The following PAPLN variants were observed in gnomAD, a reference collection of about 807,000 sequenced individuals.
PAPLN encodes papilin.
A neutral mutation model predicts 159.0 loss-of-function variants in PAPLN; 146 were observed. That is an observed-to-expected ratio of 0.92 (90% CI 0.80 to 1.05). PAPLN has a LOEUF of 1.05. Among genes scored for constraint, PAPLN ranks in the 50% least tolerant of loss-of-function variants. PAPLN has a pLI of 0.00. For missense variants in PAPLN, 1,720 were observed against 1,743.9 expected (o/e 0.99, Z 0.24); for synonymous variants, 734 against 702.9 (o/e 1.04, Z -0.70).
intron 14 of PAPLN, among the ~76,000 whole-genome samples, chr14:73,255,933 G>A (rs1256971559): frequency 1.3e-5 from 2 of 152,222 alleles, no homozygotes; most frequent in East Asian, 1.9e-4. Flanking sequence ...GCACAGTGGG[G>A]TTAAAAAGAG....
Position 73,268,492 on chromosome 14 carries a change from C to G in PAPLN, c.3501-65C>G. ...GCTCTGGAATGGCCTTTGATTACCT[C>G]TTCCCTCTGTCTCCCAGACCTCCAG... On this transcript the variant is annotated intron_variant, in intron 25 of 26. Transcript: ENST00000644200. 3 of 1,521,820 alleles carry G rather than the reference C, an allele frequency of 2.0e-6. No homozygotes were observed. The South Asian group carries it at 3.8e-5, about 19-fold the overall frequency. The allele number at this position is 1,521,820 out of a possible 1,614,324, so 94.3% of individuals were successfully genotyped here.
chr14:73,247,401 CT>C (rs1165677128), intron 5 of PAPLN, among the ~76,000 whole-genome samples: 2 of 152,214 alleles, frequency 1.3e-5, no homozygotes, highest in African/African-American at 4.8e-5. Flanking sequence ...GGCAAATGAC[CT>C]CTGGAGACCC....
intron 26 of PAPLN, among the ~76,000 whole-genome samples, chr14:73,270,914 G>A (rs987013090): frequency 6.6e-6 from 1 of 152,154 alleles, no homozygotes; most frequent in Non-Finnish European, 1.5e-5. Flanking sequence ...GTGGCACATT[G>A]AATTTCAGTG....
chr14:73,263,872 C>CTGA (rs1886867996), intron 20 of PAPLN, 90 bp downstream of exon 20: 1 of 1,384,060 alleles, frequency 7.2e-7, no homozygotes, highest in Non-Finnish European at 9.8e-7. Context: ...CCCACCTCCT[C>CTGA]TGATAGGTGT....
At chr14:73,270,280 C>T (rs1887599868) in intron 26 of PAPLN, among the ~76,000 whole-genome samples, 1 of 152,226 alleles carries the variant, frequency 6.6e-6, no homozygotes, top group Non-Finnish European at 1.5e-5. Flanking sequence ...AGGCGGCTTC[C>T]GCACTGGGTG....
intron 1 of PAPLN, among the ~76,000 whole-genome samples, chr14:73,239,344 T>C (rs1883289641): frequency 6.6e-6 from 1 of 152,246 alleles, no homozygotes; most frequent in Admixed American, 6.5e-5. Context: ...CAAAGTGTCT[T>C]CAGAGACTTG....
intron 5 of PAPLN, among the ~76,000 whole-genome samples, chr14:73,248,846 C>T (rs1021787798): frequency 6.6e-6 from 1 of 150,670 alleles, no homozygotes; most frequent in African/African-American, 2.4e-5. Context: ...AAAATTAAAA[C>T]CAGGCCAGGT....
At chr14:73,258,882 T>G (rs1886231761) in intron 14 of PAPLN, 97 bp from the exon 15 acceptor site, 1 of 1,150,436 alleles carries the variant, frequency 8.7e-7, no homozygotes, top group East Asian at 3.1e-5. Flanking sequence ...GCCTGGGCAG[T>G]GGGGTAGAAG....
intron 2 of PAPLN, among the ~76,000 whole-genome samples, chr14:73,240,279 C>T (rs1383920114): frequency 6.6e-6 from 1 of 152,076 alleles, no homozygotes; most frequent in Non-Finnish European, 1.5e-5. Flanking sequence ...GGGGTAGCAC[C>T]TAGGGCAGGG....
chr14:73,247,589 C>CGTGT (rs138946508), intron 5 of PAPLN, among the ~76,000 whole-genome samples: 3 of 115,210 alleles, frequency 2.6e-5, no homozygotes, highest in African/African-American at 1.0e-4. Flanking sequence ...GTCCTCTGTG[C>CGTGT]GTGTGTGTGT....
In PAPLN at chr14:73,264,248, C is replaced by A; in HGVS notation, c.2899C>A (p.Pro967Thr). ...GTTCGACGGATCCCTGATCATCCACCCCCTGCAGGCAGAGGACGCGGGCAC... is the reference window on the plus strand; with the variant it reads ...GTTCGACGGATCCCTGATCATCCACACCCTGCAGGCAGAGGACGCGGGCAC... ...LQFDGSLIIH[P>T]LQAEDAGTYS... is the part of the protein sequence containing the mutation. The change falls in exon 21 of 27, where the codon CCC becomes ACC. Residue 967 changes from proline (P) to threonine (T), a missense_variant. By Grantham distance (38) the Pro-to-Thr change is conservative (BLOSUM62 -1). Transcript: ENST00000644200. The A allele has an allele frequency of 6.2e-7, 1 of 1,614,006 alleles. No homozygotes were observed. The highest frequency in any genetic ancestry group is 2.2e-5 in the East Asian group (1 of 44,876).
At chr14:73,254,824 CCGCCCCCAGCCT>C (rs1885711479) in intron 13 of PAPLN, 41 bp from the exon 14 acceptor site, 1 of 1,601,888 alleles carries the variant, frequency 6.2e-7, no homozygotes, top group Non-Finnish European at 8.5e-7. Context: ...ATGTGGGTCC[CCGCCCCCAGCCT>C]CGCCCTCAGC....
At chr14:73,246,426 T>G (rs979700989) in intron 5 of PAPLN, among the ~76,000 whole-genome samples, 54 of 78,404 alleles carry the variant, frequency 6.9e-4, no homozygotes, top group African/African-American at 1.5e-3. Context: ...TTTTTTTTTT[T>G]GGGTGGGCGC....
At chr14:73,263,926 C>A in intron 20 of PAPLN, 144 bp downstream of exon 20, 3 of 1,236,256 alleles carry the variant, frequency 2.4e-6, no homozygotes, top group Non-Finnish European at 3.4e-6. Flanking sequence ...GACAGCCCCC[C>A]TACCCCCTCT....
chr14:73,268,278 G>T, intron 25 of PAPLN: 1 of 364,086 alleles, frequency 2.7e-6, no homozygotes, highest in Non-Finnish European at 5.0e-6. Context: ...CAAATCTGAG[G>T]CCTCCTGCTA....
rs1276097916 is a variant in PAPLN at position 73,252,131 on chromosome 14, G to A, written c.957G>A (p.Glu319=). The change falls in exon 10 of 27, where the codon GAG becomes GAA. Residue 319 remains glutamate, a synonymous_variant. Transcript: ENST00000644200. ...GCTCATGGAGTGACTGCAGCGCGGAGTGTGGCGGAGGTGCGGGCGTGGATG... is the reference window on the plus strand; with the variant it reads ...GCTCATGGAGTGACTGCAGCGCGGAATGTGGCGGAGGTGCGGGCGTGGATG... ...SHGSWSDCSA[E]CGGGHQSRLV... is the part of the protein sequence containing the mutation. 6.2e-7 allele frequency: 1 copy of A among 1,604,858 alleles called. No individual in the cohort carries two copies. The highest frequency in any genetic ancestry group is 8.5e-7 in the Non-Finnish European group (1 of 1,175,788).
At chr14:73,237,239 G>T (rs551674760), upstream of PAPLN, among the ~76,000 whole-genome samples, 4 of 152,176 alleles carry the variant, frequency 2.6e-5, no homozygotes, top group African/African-American at 7.2e-5. Context: ...AAGCTAGAAG[G>T]CTTGGGCAAG....
rs930891145 is a variant in PAPLN, at chr14:73,251,724, G to C, written c.731G>C (p.Arg244Pro). 6.2e-6 allele frequency: 10 copies of C among 1,613,162 alleles called. No homozygotes were observed. In the East Asian group the frequency reaches 6.7e-5, roughly 11 times the overall value. The part of the protein sequence containing the change: ...LNGHWTIEAA[R>P]ALPAASTILH... Reference sequence around the variant, plus strand: ...GGGCACTGGACCATCGAGGCGGCCCGGGCCCTGCCAGCAGCCAGCACCATC... The same window carrying C: ...GGGCACTGGACCATCGAGGCGGCCCCGGCCCTGCCAGCAGCCAGCACCATC... The change falls in exon 9 of 27, where the codon CGG becomes CCG. Residue 244 changes from arginine (R) to proline (P), a missense_variant. Transcript: ENST00000644200.
intron 7 of PAPLN, among the ~76,000 whole-genome samples, 183 bp downstream of exon 7, chr14:73,251,213 G>C (rs865892425): frequency 5.9e-5 from 9 of 152,136 alleles, no homozygotes; most frequent in Non-Finnish European, 1.5e-5. Flanking sequence ...GTGCCCGCTC[G>C]TGCAGTCCCA....
Sources: allele counts gnomAD v4.1 joint callset (sites outside exome capture counted in the v4.1 genomes callset), GRCh38; gene constraint gnomAD v4.1.1; transcripts MANE v1.5; gene names NCBI Gene and HGNC (gene_info 2026-07-23, HGNC 2026-07-21).